The following BIVM variants were observed in gnomAD, a reference collection of about 807,000 sequenced individuals.
The protein encoded by BIVM is basic, immunoglobulin-like variable motif containing.
BIVM carries 31 observed loss-of-function variants against 61.4 expected under a neutral mutation model. The ratio of observed to expected loss-of-function variants is 0.51; its 90% CI spans 0.38 to 0.68. The LOEUF (loss-of-function observed/expected upper bound fraction) is 0.68. Among genes scored for constraint, BIVM ranks in the 30% least tolerant of loss-of-function variants. The pLI is 0.00. For synonymous variants in BIVM, 189 were observed against 210.7 expected (o/e 0.90, Z 0.89); for missense variants, 526 against 596.0 (o/e 0.88, Z 1.22).
chr13:102,821,309 A>G (rs1233710671), intron 5 of BIVM, among the ~76,000 whole-genome samples, 177 bp downstream of exon 5: 1 of 152,212 alleles, frequency 6.6e-6, no homozygotes, highest in Non-Finnish European at 1.5e-5. Context: ...TGAAATAAAA[A>G]TGGGCTGGGT....
Position 102,821,111 on chromosome 13 carries a change from A to G in BIVM, c.680A>G (p.Tyr227Cys). The G allele has an allele frequency of 6.2e-7, 1 of 1,613,246 alleles. No individual in the cohort carries two copies. Among genetic ancestry groups the G allele is most frequent in the Non-Finnish European group, 8.5e-7 (1 of 1,179,798 alleles). Residue 227 changes from tyrosine to cysteine, a missense_variant, in exon 5 of 11, where the codon TAC becomes TGC. Tyr to Cys is a radical substitution (Grantham distance 194). Coordinates refer to ENST00000257336, the MANE Select transcript of BIVM (RefSeq NM_017693.4). ...TTAATTTCTTGTTGGAATTTCTTAT[A>G]CAGCACAATGGGAGCTGGAAAGTAA... ...SSLISCWNFLYSTMGAGNLPP... is the reference protein window; with the variant it reads ...SSLISCWNFLCSTMGAGNLPP...
intron 1 of BIVM, chr13:102,800,383 G>A (rs1421493947): frequency 6.6e-6 from 1 of 152,314 alleles, no homozygotes; most frequent in Non-Finnish European, 1.5e-5. Context: ...GGAGGGAGTA[G>A]GGGCGAGGAG....
chr13:102,835,515 T>C (rs947056453), intron 9 of BIVM, among the ~76,000 whole-genome samples: 1 of 152,086 alleles, frequency 6.6e-6, no homozygotes, highest in African/African-American at 2.4e-5. Context: ...CTCTAGGGAT[T>C]TGCCTATTCT....
intron 1 of BIVM, among the ~76,000 whole-genome samples, chr13:102,802,089 A>C (rs1330662801): frequency 6.6e-6 from 1 of 152,204 alleles, no homozygotes; most frequent in Non-Finnish European, 1.5e-5. Flanking sequence ...TATATGTAGC[A>C]AACTTTATTT....
chr13:102,839,986 A>C lies in BIVM; in HGVS notation c.*121A>C, dbSNP rs1881724155. On this transcript the variant is annotated 3_prime_UTR_variant, in exon 11 of 11. Coordinates refer to ENST00000257336, the MANE Select transcript of BIVM (RefSeq NM_017693.4). ...TAGGAGCAGATCTTGTGGTATAAAA[A>C]ATAACCTTGTAGTTCTCCAGATACT... The C allele has an allele frequency of 1.8e-6, 2 of 1,115,378 alleles. No homozygotes were observed. The highest frequency in any genetic ancestry group is 3.1e-5 in the African/African-American group (2 of 63,806). The allele number at this position is 1,115,378 out of a possible 1,614,324, so 69.1% of individuals were successfully genotyped here. A position where few individuals can be genotyped will look rare whatever the true frequency, so the allele number is the denominator to read the frequency against.
At chr13:102,802,677 G>C (rs1878814872) in intron 1 of BIVM, among the ~76,000 whole-genome samples, 1 of 150,426 alleles carries the variant, frequency 6.6e-6, no homozygotes, top group South Asian at 2.1e-4. Flanking sequence ...CTTGTTCCGT[G>C]ACCATTATTT....
chr13:102,802,109 T>G (rs79280445), intron 1 of BIVM, among the ~76,000 whole-genome samples: 3,746 of 152,308 alleles, frequency 0.025, 60 homozygotes, highest in Non-Finnish European at 0.032. Flanking sequence ...TTCTAATATC[T>G]CTGCACAGGT....
chr13:102,807,851 A>G lies in BIVM; in HGVS notation c.478+106A>G. 1.7e-6 allele frequency: 2 copies of G among 1,205,606 alleles called. No individual in the cohort carries two copies. Among genetic ancestry groups the G allele is most frequent in the Non-Finnish European group, 2.3e-6 (2 of 880,458 alleles). The allele number at this position is 1,205,606 out of a possible 1,614,324, so 74.7% of individuals were successfully genotyped here. The stretch of plus-strand genomic sequence containing the variant: ...ATAGTTTCCTTGTATAATACTAGAT[A>G]AGGAACATGGCTATCATCTTGTCTG... On this transcript the variant is annotated intron_variant, in intron 3 of 10. Coordinates refer to ENST00000257336, the MANE Select transcript of BIVM (RefSeq NM_017693.4). This position sits in a 1 kb window ranked among gnomAD's most constrained non-coding sequence, Gnocchi z 4.0.
chr13:102,800,870 T>A (rs1006434956), intron 1 of BIVM: 1 of 152,272 alleles, frequency 6.6e-6, no homozygotes, highest in Non-Finnish European at 1.5e-5. Context: ...GTCACCGGAA[T>A]GCCCCTGCTC....
At chr13:102,806,833 C>T (rs1879131630) in intron 2 of BIVM, among the ~76,000 whole-genome samples, 1 of 151,836 alleles carries the variant, frequency 6.6e-6, no homozygotes, top group Admixed American at 6.6e-5. Context: ...TCACTTGAAC[C>T]CGGGAGGCGG....
Position 102,807,348 on chromosome 13 carries a change from G to T in BIVM, c.81G>T (p.Glu27Asp). ...AATCTGAGAGAAAGTCACCTGAAGA[G>T]AATCTACAAGGTGCTGTAAAATCTT... ...EHKSERKSPE[E>D]NLQGAVKSFC... The change falls in exon 3 of 11, where the codon GAG becomes GAT. Residue 27 changes from glutamate (E) to aspartate (D), a missense_variant. Glu to Asp is a conservative substitution (Grantham distance 45). Around this residue, in one of 3 missense-constraint regions of BIVM, gnomAD observed 312 missense variants for 343.8 expected, o/e 0.91. Transcript: ENST00000257336. The surrounding 1 kb of genome is among the most constrained non-coding windows in gnomAD (Gnocchi z 4.0). 1 of 1,614,200 alleles carries T rather than the reference G, an allele frequency of 6.2e-7. No individual in the cohort carries two copies. The highest frequency in any genetic ancestry group is 1.3e-5 in the African/African-American group (1 of 75,046).
chr13:102,817,143 C>A (rs886293793), intron 4 of BIVM, among the ~76,000 whole-genome samples: 3 of 152,188 alleles, frequency 2.0e-5, no homozygotes, highest in Admixed American at 2.0e-4. Context: ...GTCTCCACCC[C>A]ACTTTCCCCC....
intron 7 of BIVM, among the ~76,000 whole-genome samples, chr13:102,831,208 T>C (rs1881043983): frequency 6.6e-6 from 1 of 152,238 alleles, no homozygotes; most frequent in African/African-American, 2.4e-5. Flanking sequence ...TTGGGCATGC[T>C]TGTTCAGAAT....
chr13:102,825,118 AT>A (rs1163553279), intron 7 of BIVM, among the ~76,000 whole-genome samples: 1 of 151,198 alleles, frequency 6.6e-6, no homozygotes, highest in African/African-American at 2.4e-5. Flanking sequence ...AATTTTTTGT[AT>A]TTTTTTTAGT....
chr13:102,813,443 G>C (rs1405493870), intron 3 of BIVM, among the ~76,000 whole-genome samples: 1 of 151,678 alleles, frequency 6.6e-6, no homozygotes, highest in Non-Finnish European at 1.5e-5. Context: ...CATTTTTATA[G>C]CTTCTATTTC....
chr13:102,825,484 A>G (rs965612966), intron 7 of BIVM, among the ~76,000 whole-genome samples: 1 of 152,210 alleles, frequency 6.6e-6, no homozygotes, highest in Admixed American at 6.5e-5. Context: ...GACTGGATTT[A>G]CCTGTTGGTG....
Position 102,807,192 on chromosome 13 carries a change from T to C in BIVM, c.-76T>C. On this transcript the variant is annotated 5_prime_UTR_variant, in exon 3 of 11. Transcript: ENST00000257336. This position sits in a 1 kb window ranked among gnomAD's most constrained non-coding sequence, Gnocchi z 4.0. ...AGCTTTTATAGCATGCTGTAAACAATTGTCAAAGTTGTTTATCAAGAAACA... is the reference window on the plus strand; with the variant it reads ...AGCTTTTATAGCATGCTGTAAACAACTGTCAAAGTTGTTTATCAAGAAACA... The C allele has an allele frequency of 1.4e-6, 2 of 1,445,124 alleles. No homozygotes were observed. Among genetic ancestry groups the C allele is most frequent in the East Asian group, 2.3e-5 (1 of 43,684 alleles). 89.5% of individuals were successfully genotyped at this position (1,445,124 alleles called of 1,614,324 possible).
intron 9 of BIVM, among the ~76,000 whole-genome samples, chr13:102,838,013 A>G (rs10219948): frequency 0.026 from 3,915 of 152,334 alleles, 156 homozygotes; most frequent in African/African-American, 0.086. Context: ...ACTTATTGGT[A>G]TAACCAAAAC....
chr13:102,831,382 G>C (rs919238343), intron 7 of BIVM, among the ~76,000 whole-genome samples, 183 bp from the exon 8 acceptor site: 1 of 152,198 alleles, frequency 6.6e-6, no homozygotes, highest in African/African-American at 2.4e-5. Flanking sequence ...AGTTTAAAGA[G>C]TAAAACAGAA....
Sources: allele counts gnomAD v4.1 joint callset (sites outside exome capture counted in the v4.1 genomes callset), GRCh38; gene constraint gnomAD v4.1.1; regional missense constraint gnomAD v4.1.1; non-coding constraint Gnocchi (gnomAD v3.1); transcripts MANE v1.5; gene names NCBI Gene and HGNC (gene_info 2026-07-23, HGNC 2026-07-21).